The following CRY1 variants were observed in gnomAD, a reference collection of about 807,000 sequenced individuals.
The protein encoded by CRY1 is cryptochrome circadian regulator 1.
A neutral mutation model predicts 76.0 loss-of-function variants in CRY1; 45 were observed. The observed-to-expected ratio is 0.59, with a 90% CI of 0.47 to 0.76. The LOEUF is 0.76. Ranked by LOEUF, CRY1 falls within the 30% of genes least tolerant of loss-of-function variation. CRY1 has a pLI of 0.00. For missense variants in CRY1, 587 were observed against 716.4 expected, an observed-to-expected ratio of 0.82 and a Z score of 2.06; for synonymous variants, 248 against 244.0, an observed-to-expected ratio of 1.02 and a Z score of -0.15.
intron 1 of CRY1, among the ~76,000 whole-genome samples, chr12:107,077,199 AC>A (rs1953267213): frequency 6.6e-6 from 1 of 151,760 alleles, no homozygotes; most frequent in Non-Finnish European, 1.5e-5. Flanking sequence ...CACACTCATC[AC>A]CTTTACCCCT....
chr12:107,057,614 C>A (rs2136880940), intron 1 of CRY1, among the ~76,000 whole-genome samples: 1 of 152,246 alleles, frequency 6.6e-6, no homozygotes, highest in South Asian at 2.1e-4. Context: ...GCCTGTACTC[C>A]TAGCTACTTG....
In CRY1 at chr12:106,993,109, T is replaced by C. The variant is rs536766835; in HGVS notation, c.1586-73A>G. 1,438 of 1,467,724 alleles carry C rather than the reference T, an allele frequency of 9.8e-4. 1 individual carries two copies. Among genetic ancestry groups the C allele is most frequent in the Non-Finnish European group, 1.3e-3 (1,352 of 1,056,742 alleles). The allele number at this position is 1,467,724 out of a possible 1,614,324, so 90.9% of individuals were successfully genotyped here. ...ATGTATGTATTATTAAGTCTACAAA[T>C]CCAACTTTTAGCGCTTGTACTTAAG... On this transcript the variant is annotated intron_variant, in intron 10 of 12. Transcript: ENST00000008527.
At chr12:107,050,808 A>G (rs1952909487) in intron 1 of CRY1, among the ~76,000 whole-genome samples, 1 of 152,208 alleles carries the variant, frequency 6.6e-6, no homozygotes, top group Admixed American at 6.5e-5. Flanking sequence ...GGAAGGACAG[A>G]CTAACCAGTC....
Position 107,092,928 on chromosome 12 carries a change from C to A in CRY1, c.34G>T (p.Gly12Trp), listed in dbSNP as rs150987851. Reference sequence around the variant, plus strand: ...GCGGGGTTGTCGTGGAGCCGGAGCCCCTTTCGGAACCAGTGCACGGCGTTC... The same window carrying A: ...GCGGGGTTGTCGTGGAGCCGGAGCCACTTTCGGAACCAGTGCACGGCGTTC... ...GVNAVHWFRKGLRLHDNPALK... is the reference protein window; with the variant it reads ...GVNAVHWFRKWLRLHDNPALK... Residue 12 changes from glycine (G) to tryptophan (W), a missense_variant, in exon 1 of 13, where the codon GGG becomes TGG. Coordinates refer to ENST00000008527, the MANE Select transcript of CRY1 (RefSeq NM_004075.5). 6.2e-7 allele frequency: 1 copy of A among 1,600,200 alleles called. No individual in the cohort carries two copies. Among genetic ancestry groups the A allele is most frequent in the Non-Finnish European group, 8.5e-7 (1 of 1,174,282 alleles).
chr12:107,088,106 AGT>A (rs1953425422), intron 1 of CRY1, among the ~76,000 whole-genome samples: 1 of 152,196 alleles, frequency 6.6e-6, no homozygotes, highest in East Asian at 1.9e-4. Context: ...GGAGTGATAT[AGT>A]TTAGATATTT....
chr12:107,068,871 A>T (rs943561082), intron 1 of CRY1, among the ~76,000 whole-genome samples: 4 of 152,058 alleles, frequency 2.6e-5, no homozygotes, highest in Admixed American at 1.3e-4. Context: ...GGTTTCTTTC[A>T]CTTAGAATGT....
At chr12:107,029,046 T>G (rs978045835) in intron 1 of CRY1, among the ~76,000 whole-genome samples, 1 of 152,250 alleles carries the variant, frequency 6.6e-6, no homozygotes, top group African/African-American at 2.4e-5. Flanking sequence ...TTGAAATTTA[T>G]GTGTAACTCA....
At chr12:107,076,647 A>C (rs902884685) in intron 1 of CRY1, among the ~76,000 whole-genome samples, 1 of 151,344 alleles carries the variant, frequency 6.6e-6, no homozygotes, top group African/African-American at 2.4e-5. Context: ...CTCTCTTTTC[A>C]TGTAAGTACA....
intron 1 of CRY1, among the ~76,000 whole-genome samples, chr12:107,087,755 T>C (rs1449709955): frequency 2.0e-5 from 3 of 152,124 alleles, no homozygotes; most frequent in East Asian, 1.9e-4. Flanking sequence ...TATCTTACAA[T>C]AGAAAAAAGA....
chr12:107,092,144 C>T (rs1326141030), intron 1 of CRY1, among the ~76,000 whole-genome samples: 1 of 152,176 alleles, frequency 6.6e-6, no homozygotes, highest in Non-Finnish European at 1.5e-5. Flanking sequence ...GCCTAACAAT[C>T]ATGTAGCCTG....
chr12:107,082,429 T>C (rs2083596981), intron 1 of CRY1, among the ~76,000 whole-genome samples: 1 of 152,118 alleles, frequency 6.6e-6, no homozygotes, highest in African/African-American at 2.4e-5. Context: ...ATTCTAAAAT[T>C]GACCAATAAT....
chr12:107,060,974 C>CA (rs1953039510), intron 1 of CRY1, among the ~76,000 whole-genome samples: 3 of 151,690 alleles, frequency 2.0e-5, no homozygotes, highest in African/African-American at 7.3e-5. Flanking sequence ...GACTCTGTCT[C>CA]AAAAAACAAA....
intron 1 of CRY1, among the ~76,000 whole-genome samples, chr12:107,035,836 TCTC>T (rs1460582402): frequency 6.6e-6 from 1 of 152,164 alleles, no homozygotes; most frequent in Non-Finnish European, 1.5e-5. Flanking sequence ...CCTCAGACCA[TCTC>T]CTCCCACAGT....
intron 1 of CRY1, 41 bp downstream of exon 1, chr12:107,092,763 A>G (rs757342706): frequency 1.3e-5 from 21 of 1,607,616 alleles, no homozygotes; most frequent in Non-Finnish European, 1.8e-5. Flanking sequence ...CATCAGACTC[A>G]TTAAACACCC....
At chr12:107,050,726 A>C (rs1264040803) in intron 1 of CRY1, among the ~76,000 whole-genome samples, 1 of 152,226 alleles carries the variant, frequency 6.6e-6, no homozygotes, top group Non-Finnish European at 1.5e-5. Flanking sequence ...AAAGGAAGAA[A>C]GGCTGACAGA....
intron 1 of CRY1, among the ~76,000 whole-genome samples, chr12:107,073,816 T>G (rs1207385266): frequency 6.6e-6 from 1 of 152,156 alleles, no homozygotes; most frequent in African/African-American, 2.4e-5. Flanking sequence ...TAATTTTAAT[T>G]ATCACCTCTC....
At chr12:107,005,537 A>G (rs1952363486) in intron 2 of CRY1, among the ~76,000 whole-genome samples, 2 of 152,192 alleles carry the variant, frequency 1.3e-5, no homozygotes, top group Non-Finnish European at 2.9e-5. Flanking sequence ...TTTTCAAATT[A>G]CTCATACTTA....
intron 1 of CRY1, among the ~76,000 whole-genome samples, chr12:107,056,768 G>C (rs1952987943): frequency 6.6e-6 from 1 of 152,144 alleles, no homozygotes; most frequent in African/African-American, 2.4e-5. Flanking sequence ...AAAGCAGCTA[G>C]AGGATAGGAG....
rs1193698375 is a variant in CRY1 at position 106,992,822 on chromosome 12, T to TA, written c.1725dup (p.Ile576TyrfsTer4). 4 of 1,613,936 alleles carry TA rather than the reference T, an allele frequency of 2.5e-6. No individual in the cohort carries two copies. The highest frequency in any genetic ancestry group is 3.4e-6 in the Non-Finnish European group (4 of 1,179,914). The stretch of plus-strand genomic sequence containing the variant: ...CTCTGTCTCTGGACTTTAGGACCAA[T>TA]ACTCTGTGTGTCCTCTTCCTGACTA... On this transcript the variant is annotated frameshift_variant, in exon 12 of 13. Coordinates refer to ENST00000008527, the MANE Select transcript of CRY1 (RefSeq NM_004075.5). LOFTEE classifies it high-confidence loss of function.
Sources: gnomAD v4.1 joint callset for allele counts (sites outside exome capture counted in the v4.1 genomes callset) on GRCh38, gnomAD v4.1.1 for gene constraint, MANE v1.5 for transcripts, NCBI Gene and HGNC (gene_info 2026-07-23, HGNC 2026-07-21) for gene names.